ZDHHC15: variants seen among roughly 807,000 people sequenced by gnomAD.
ZDHHC15 encodes the protein zDHHC palmitoyltransferase 15.
In ZDHHC15, 19 loss-of-function variants were observed where a neutral mutation model predicts 31.7. The observed-to-expected ratio is 0.60, with a 90% CI of 0.42 to 0.88. The LOEUF (loss-of-function observed/expected upper bound fraction) is 0.88. Among genes scored for constraint, ZDHHC15 ranks in the 40% least tolerant of loss-of-function variants. The probability of loss-of-function intolerance (pLI) is 0.00; values close to 1 mark genes in which losing one functional copy is unlikely to be tolerated. For missense variants in ZDHHC15, 209 were observed against 251.2 expected (o/e 0.83, Z 1.14); for synonymous variants, 103 against 90.0 (o/e 1.14, Z -0.82).
chrX:75,396,201 G>A (rs188622547), intron 10 of ZDHHC15, among the ~76,000 whole-genome samples: 15 of 111,734 alleles, frequency 1.3e-4, no homozygotes, highest in African/African-American at 4.5e-4. Flanking sequence ...TAAACAAAGT[G>A]AAAAGACAAA....
chrX:75,432,494 A>C (rs1270842559), intron 4 of ZDHHC15, among the ~76,000 whole-genome samples: 2 of 112,131 alleles, frequency 1.8e-5, no homozygotes, highest in African/African-American at 6.5e-5. Flanking sequence ...TGAGTCAAAG[A>C]GGAAGGGAGA....
chrX:75,464,401 T>C (rs2084370322), intron 3 of ZDHHC15, among the ~76,000 whole-genome samples: 2 of 110,757 alleles, frequency 1.8e-5, no homozygotes, highest in African/African-American at 6.6e-5. Flanking sequence ...AACCTGCACG[T>C]TGTGCACATG....
chrX:75,457,390 A>G (rs1286005944), intron 3 of ZDHHC15, among the ~76,000 whole-genome samples: 1 of 110,924 alleles, frequency 9.0e-6, no homozygotes, highest in Non-Finnish European at 1.9e-5. Context: ...TATTTTGGAT[A>G]CTAGTCTTTG....
In ZDHHC15 at chrX:75,450,786, C is replaced by T; in HGVS notation, c.379+16G>A. 1 of 1,210,506 alleles carries T rather than the reference C, an allele frequency of 8.3e-7. No individual in the cohort carries two copies. Among genetic ancestry groups the T allele is most frequent in the Non-Finnish European group, 1.1e-6 (1 of 894,725 alleles). On this transcript the variant is annotated intron_variant, in intron 4 of 11. Coordinates refer to ENST00000373367, the MANE Select transcript of ZDHHC15 (RefSeq NM_144969.3). ...CTTGCTGAGCTGCCTCTCTAGCTGC[C>T]TTTGGATGAACTGACCTCCACTTCC...
chrX:75,382,165 T>C (rs746366498), intron 10 of ZDHHC15, among the ~76,000 whole-genome samples: 1 of 112,268 alleles, frequency 8.9e-6, no homozygotes, highest in Non-Finnish European at 1.9e-5. Flanking sequence ...GCAAACTCCT[T>C]GAGGACAGAG....
chrX:75,444,671 T>C (rs180717724), intron 4 of ZDHHC15, among the ~76,000 whole-genome samples: 2 of 69,178 alleles, frequency 2.9e-5, no homozygotes, highest in African/African-American at 1.1e-4. Context: ...TATATATATA[T>C]ATATATATAT....
chrX:75,505,652 G>GTTT, intron 2 of ZDHHC15, among the ~76,000 whole-genome samples, 169 bp downstream of exon 2: 1 of 111,148 alleles, frequency 9.0e-6, no homozygotes, highest in South Asian at 3.8e-4. Context: ...CACTGAAAAT[G>GTTT]TTTTTCTCTA....
intron 2 of ZDHHC15, among the ~76,000 whole-genome samples, chrX:75,491,237 C>A (rs1311319149): frequency 9.1e-6 from 1 of 110,303 alleles, no homozygotes; most frequent in Non-Finnish European, 1.9e-5. Flanking sequence ...AAATGTCCAA[C>A]AATGATAGAC....
At chrX:75,381,850 TCA>T (rs1446402414) in intron 10 of ZDHHC15, among the ~76,000 whole-genome samples, 1 of 111,260 alleles carries the variant, frequency 9.0e-6, no homozygotes, top group Non-Finnish European at 1.9e-5. Context: ...TTCAAAACTT[TCA>T]CCAGAATAGC....
At chrX:75,493,673 G>T in intron 2 of ZDHHC15, among the ~76,000 whole-genome samples, 1 of 111,964 alleles carries the variant, frequency 8.9e-6, no homozygotes, top group Non-Finnish European at 1.9e-5. Flanking sequence ...CAGAACCAAC[G>T]ACAAAAACCA....
chrX:75,504,849 T>C (rs1436215369), intron 2 of ZDHHC15, among the ~76,000 whole-genome samples: 6 of 111,985 alleles, frequency 5.4e-5, no homozygotes, highest in Non-Finnish European at 1.1e-4. Flanking sequence ...GTAGGAAACA[T>C]GCACTGATTC....
chrX:75,396,168 C>A (rs2083297097), intron 10 of ZDHHC15, among the ~76,000 whole-genome samples: 1 of 111,693 alleles, frequency 9.0e-6, no homozygotes, highest in African/African-American at 3.3e-5. Flanking sequence ...AGTTAAAAAC[C>A]TTCCATACAG....
intron 3 of ZDHHC15, among the ~76,000 whole-genome samples, chrX:75,474,311 A>C (rs1357165171): frequency 1.8e-5 from 2 of 109,116 alleles, no homozygotes; most frequent in African/African-American, 3.3e-5. Flanking sequence ...TCATGCCCTC[A>C]AACATCGGAC....
intron 3 of ZDHHC15, among the ~76,000 whole-genome samples, chrX:75,460,538 C>A (rs2084296273): frequency 9.1e-6 from 1 of 109,692 alleles, no homozygotes. Context: ...GCATTTGGGC[C>A]AGAAACAGGT....
intron 3 of ZDHHC15, among the ~76,000 whole-genome samples, chrX:75,464,819 G>C (rs1457601458): frequency 9.0e-6 from 1 of 111,505 alleles, no homozygotes; most frequent in African/African-American, 3.3e-5. Context: ...AATAATAAGA[G>C]CCATTTATCA....
chrX:75,421,778 C>T (rs1012571419), intron 9 of ZDHHC15, 86 bp downstream of exon 9: 11 of 1,029,680 alleles, frequency 1.1e-5, no homozygotes, highest in Admixed American at 5.4e-5. Flanking sequence ...TGGACTGATA[C>T]CTGCTGCATA....
At chrX:75,491,180 T>C (rs2084882892) in intron 2 of ZDHHC15, among the ~76,000 whole-genome samples, 1 of 110,897 alleles carries the variant, frequency 9.0e-6, no homozygotes, top group South Asian at 3.9e-4. Flanking sequence ...TGAAAATGGA[T>C]GTTTACTGCA....
chrX:75,509,611 T>C (rs1156379328), intron 1 of ZDHHC15, among the ~76,000 whole-genome samples: 1 of 112,350 alleles, frequency 8.9e-6, no homozygotes, highest in Non-Finnish European at 1.9e-5. Flanking sequence ...TACTTTGGCA[T>C]GTATTCGTAT....
intron 3 of ZDHHC15, among the ~76,000 whole-genome samples, chrX:75,451,798 T>C (rs762882979): frequency 1.8e-5 from 2 of 111,467 alleles, no homozygotes; most frequent in South Asian, 7.6e-4. Context: ...AAGTCTAATT[T>C]TTGAATTGTT....
Sources: gnomAD v4.1 joint callset for allele counts (sites outside exome capture counted in the v4.1 genomes callset) on GRCh38, gnomAD v4.1.1 for gene constraint, MANE v1.5 for transcripts, NCBI Gene and HGNC (gene_info 2026-07-23, HGNC 2026-07-21) for gene names.